The following SLC17A1 variants were observed in gnomAD, a reference collection of about 807,000 sequenced individuals.
SLC17A1 encodes sodium-dependent phosphate transport protein 1.
A neutral mutation model predicts 53.5 loss-of-function variants in SLC17A1; 51 were observed. The ratio of observed to expected loss-of-function variants is 0.95; its 90% confidence interval spans 0.76 to 1.20. The LOEUF (loss-of-function observed/expected upper bound fraction) is 1.20, where lower values mean the gene tolerates loss of function less well. Among genes scored for constraint, SLC17A1 ranks in the 50% most tolerant of loss-of-function variants. The pLI is 0.00. For synonymous variants in SLC17A1, 179 were observed against 198.8 expected (o/e 0.90, Z 0.84); for missense variants, 538 against 568.2 (o/e 0.95, Z 0.54).
chr6:25,812,926 A>C lies in SLC17A1; in HGVS notation c.802T>G (p.Ser268Ala), dbSNP rs755542958. ...CAGAAAAACGTAAAACTACCAGTGG[A>C]AATAGCCCAGACTGGAAGCGACTTA... is the stretch of plus-strand genomic sequence containing the variant. ...ILKSLPVWAI[S>A]TGSFTFFWSH... Residue 268 changes from serine (S) to alanine (A), a missense_variant, in exon 8 of 13, where the codon TCC becomes GCC. Transcript: ENST00000244527. 5 of 1,613,976 alleles carry C rather than the reference A, an allele frequency of 3.1e-6. No homozygotes were observed. In the Admixed American group the frequency reaches 8.3e-5, roughly 27 times the overall value.
the SLC17A1 span, among the ~76,000 whole-genome samples, chr6:25,739,898 A>G: frequency 2.0e-5 from 3 of 152,188 alleles, no homozygotes; most frequent in Non-Finnish European, 4.4e-5. Flanking sequence ...AAATCTACAC[A>G]CGTGATAAAA....
At chr6:25,763,384 T>G in the SLC17A1 span, among the ~76,000 whole-genome samples, 13 of 152,236 alleles carry the variant, frequency 8.5e-5, no homozygotes, top group African/African-American at 2.7e-4. Flanking sequence ...AGTTATTTTG[T>G]TGTGTATCCA....
In SLC17A1 at chr6:25,812,523, AG is replaced by A. The variant is rs374633438; in HGVS notation, c.897+307del. 5.9e-4 allele frequency among the ~76,000 whole-genome samples: 90 copies of A among 152,334 alleles called. 1 individual carries two copies. Among genetic ancestry groups the A allele is most frequent in the Admixed American group, 2.9e-3 (44 of 15,304 alleles). ...TTCATAGGAGGCCCCCAGTCCCTGC[AG>A]GGAATGGTGGTGTTGAGCCTTAAGT... is the stretch of plus-strand genomic sequence containing the variant. On this transcript the variant is annotated intron_variant, in intron 8 of 12. Coordinates refer to ENST00000244527, the MANE Select transcript of SLC17A1 (RefSeq NM_005074.5).
intron 3 of SLC17A1, among the ~76,000 whole-genome samples, chr6:25,822,350 T>C (rs549837549): frequency 2.2e-3 from 331 of 152,360 alleles, no homozygotes; most frequent in African/African-American, 7.2e-3. Flanking sequence ...TACTTTGAGT[T>C]ATTGTAGATA....
intron 12 of SLC17A1, among the ~76,000 whole-genome samples, chr6:25,794,692 C>T (rs185940808): frequency 2.0e-5 from 3 of 152,236 alleles, no homozygotes; most frequent in Admixed American, 6.5e-5. Context: ...AACTCATGAA[C>T]CCGGTACATT....
intron 3 of SLC17A1, among the ~76,000 whole-genome samples, chr6:25,825,875 C>G (rs1457691529): frequency 6.6e-6 from 1 of 151,988 alleles, no homozygotes; most frequent in Non-Finnish European, 1.5e-5. Flanking sequence ...TTTCTATTGA[C>G]CCATATTCAT....
At chr6:25,732,627 T>C in the SLC17A1 span, 2 of 1,167,518 alleles carry the variant, frequency 1.7e-6, no homozygotes, top group Non-Finnish European at 2.5e-6. Flanking sequence ...CACCCTGGAG[T>C]TGGCGGGCAA....
the SLC17A1 span, among the ~76,000 whole-genome samples, chr6:25,750,183 T>G: frequency 3.3e-5 from 5 of 152,188 alleles, no homozygotes; most frequent in African/African-American, 1.2e-4. Flanking sequence ...AAGCTGTTAT[T>G]AGAGTTTAGA....
the SLC17A1 span, among the ~76,000 whole-genome samples, chr6:25,776,348 CT>C: frequency 6.7e-6 from 1 of 149,928 alleles, no homozygotes. Flanking sequence ...GGGTTTTGGT[CT>C]TTTAAATATT....
the SLC17A1 span, among the ~76,000 whole-genome samples, chr6:25,757,905 C>T: frequency 6.6e-6 from 1 of 152,202 alleles, no homozygotes; most frequent in Admixed American, 6.5e-5. Context: ...AGGCAGTCCG[C>T]CCTGTCTTTT....
the SLC17A1 span, among the ~76,000 whole-genome samples, chr6:25,748,770 A>G: frequency 6.6e-6 from 1 of 152,244 alleles, no homozygotes; most frequent in Admixed American, 6.5e-5. Flanking sequence ...TCTGTGTCAC[A>G]AATAAGTTCA....
intron 12 of SLC17A1, among the ~76,000 whole-genome samples, chr6:25,786,574 G>T (rs1333713676): frequency 6.6e-6 from 1 of 152,156 alleles, no homozygotes; most frequent in Non-Finnish European, 1.5e-5. Flanking sequence ...TTTGTGTGGA[G>T]TGGATCTGTG....
At chr6:25,735,288 G>GA in the SLC17A1 span, among the ~76,000 whole-genome samples, 1 of 152,196 alleles carries the variant, frequency 6.6e-6, no homozygotes, top group Non-Finnish European at 1.5e-5. Flanking sequence ...AATGTAGGGG[G>GA]ATTAAAGACA....
At chr6:25,741,933 A>G in the SLC17A1 span, among the ~76,000 whole-genome samples, 731 of 152,246 alleles carry the variant, frequency 4.8e-3, 4 homozygotes, top group African/African-American at 0.016. Flanking sequence ...TCCTTGGCCG[A>G]CAGACAAAAT....
At chr6:25,815,454 A>AT (rs1173087901) in intron 6 of SLC17A1, among the ~76,000 whole-genome samples, 2 of 151,990 alleles carry the variant, frequency 1.3e-5, no homozygotes, top group East Asian at 3.9e-4. Context: ...ATGAAGTACT[A>AT]TTTTTTGTTT....
chr6:25,776,636 C>A, the SLC17A1 span: 1 of 1,613,314 alleles, frequency 6.2e-7, no homozygotes, highest in Non-Finnish European at 8.5e-7. Context: ...TTGGATGTAT[C>A]TGCATTATCC....
chr6:25,749,441 A>G, the SLC17A1 span, among the ~76,000 whole-genome samples: 1 of 152,206 alleles, frequency 6.6e-6, no homozygotes, highest in Non-Finnish European at 1.5e-5. Context: ...TTCTACATAG[A>G]CACAATAACA....
the SLC17A1 span, among the ~76,000 whole-genome samples, chr6:25,739,404 G>A: frequency 5.3e-5 from 8 of 152,228 alleles, no homozygotes; most frequent in South Asian, 2.1e-4. Context: ...ATTTCAACAT[G>A]TGAATTGAGG....
At chr6:25,757,331 G>A in the SLC17A1 span, among the ~76,000 whole-genome samples, 1 of 152,050 alleles carries the variant, frequency 6.6e-6, no homozygotes, top group African/African-American at 2.4e-5. Context: ...CATTTCACCA[G>A]CACCTACTGC....
Sources: gnomAD v4.1 joint callset for allele counts (sites outside exome capture counted in the v4.1 genomes callset) on GRCh38, gnomAD v4.1.1 for gene constraint, MANE v1.5 for transcripts, NCBI Gene and HGNC (gene_info 2026-07-23, HGNC 2026-07-21) for gene names.